The following STX8 variants were observed in gnomAD, a reference collection of about 807,000 sequenced individuals.
STX8 encodes syntaxin-8.
Under a neutral mutation model 37.5 loss-of-function variants are expected in STX8, and 23 were observed. The observed-to-expected ratio is 0.61, with a 90% CI of 0.44 to 0.87. The LOEUF (loss-of-function observed/expected upper bound fraction) is 0.87, where lower values mean the gene tolerates loss of function less well. Ranked by LOEUF, STX8 falls within the 40% of genes least tolerant of loss-of-function variation. The probability of loss-of-function intolerance (pLI) is 0.00; values close to 1 mark genes in which losing one functional copy is unlikely to be tolerated. For synonymous variants in STX8, 115 were observed against 99.1 expected (o/e 1.16, Z -0.95); for missense variants, 313 against 284.7 (o/e 1.10, Z -0.71).
chr17:9,401,333 G>A (rs76360429), intron 6 of STX8, among the ~76,000 whole-genome samples: 12,335 of 152,040 alleles, frequency 0.081, 769 homozygotes, highest in East Asian at 0.31. Flanking sequence ...GTTTTCAGTC[G>A]ATTTCATATA....
chr17:9,573,061 T>C (rs1459909286), intron 1 of STX8, among the ~76,000 whole-genome samples: 1 of 146,864 alleles, frequency 6.8e-6, no homozygotes, highest in Non-Finnish European at 1.5e-5. Context: ...CAAAATAAAA[T>C]TCTAAGCCCA....
intron 6 of STX8, among the ~76,000 whole-genome samples, chr17:9,447,022 G>C (rs1475983036): frequency 6.6e-6 from 1 of 152,122 alleles, no homozygotes; most frequent in Non-Finnish European, 1.5e-5. Flanking sequence ...ATGTCATCCT[G>C]ATTGTTCCCT....
intron 6 of STX8, among the ~76,000 whole-genome samples, chr17:9,421,951 C>T (rs927715274): frequency 2.0e-5 from 3 of 152,160 alleles, no homozygotes; most frequent in Non-Finnish European, 4.4e-5. Flanking sequence ...CTTCCTCCTG[C>T]TCCGGCCATG....
At chr17:9,367,923 G>GT (rs1447760574) in intron 7 of STX8, among the ~76,000 whole-genome samples, 2 of 152,058 alleles carry the variant, frequency 1.3e-5, no homozygotes, top group African/African-American at 2.4e-5. Flanking sequence ...TACAGACGGG[G>GT]TTTTTGCCAT....
intron 6 of STX8, among the ~76,000 whole-genome samples, chr17:9,444,151 T>TTCTC (rs768304552): frequency 6.8e-6 from 1 of 146,426 alleles, no homozygotes; most frequent in South Asian, 2.2e-4. Flanking sequence ...TCTTCTCTCT[T>TTCTC]TCTCTCTCTC....
At position 9,559,752 on chromosome 17, in the gene STX8, A is replaced by ATT. The variant is rs1567610125; in HGVS notation, c.118-2225_118-2224insAA. 1.7e-4 allele frequency among the ~76,000 whole-genome samples: 6 copies of ATT among 35,012 alleles called. No individual in the cohort carries two copies. The South Asian group carries it at 4.4e-3, about 26-fold the overall frequency. 23.0% of individuals were successfully genotyped at this position (35,012 alleles called of 152,430 possible). On this transcript the variant is annotated intron_variant, in intron 2 of 7. Coordinates refer to ENST00000306357, the MANE Select transcript of STX8 (RefSeq NM_004853.3). Reference sequence around the variant, plus strand: ...TATTATTTTATATATATATATATATATATATATATTTTTTTTTTTTTTTTT... The same window carrying ATT: ...TATTATTTTATATATATATATATATATTTATATATATTTTTTTTTTTTTTTTT...
chr17:9,505,782 C>G lies in STX8; in HGVS notation c.324-620G>C, dbSNP rs576128425. Among the ~76,000 whole-genome samples the G allele has an allele frequency of 4.0e-5, 6 of 151,606 alleles. No individual in the cohort carries two copies. In the South Asian group the frequency reaches 1.0e-3, roughly 26 times the overall value. On this transcript the variant is annotated intron_variant, in intron 4 of 7. Coordinates refer to ENST00000306357, the MANE Select transcript of STX8 (RefSeq NM_004853.3). ...ATGATGAAACCCTGTCTCTAATAAA[C>G]ACAAAAAAAATTAGCCGGGCTTGGC...
chr17:9,279,237 A>C (rs1907794071), intron 7 of STX8, among the ~76,000 whole-genome samples: 1 of 151,926 alleles, frequency 6.6e-6, no homozygotes, highest in Non-Finnish European at 1.5e-5. Flanking sequence ...TTGTATTTTT[A>C]GTAGAGACAG....
At chr17:9,368,888 C>G (rs1567800319) in intron 7 of STX8, among the ~76,000 whole-genome samples, 1 of 151,782 alleles carries the variant, frequency 6.6e-6, no homozygotes, top group Non-Finnish European at 1.5e-5. Flanking sequence ...TGTCCCCTCT[C>G]TCCTATACTC....
At chr17:9,433,576 C>G (rs905779604) in intron 6 of STX8, among the ~76,000 whole-genome samples, 2 of 152,076 alleles carry the variant, frequency 1.3e-5, no homozygotes, top group Non-Finnish European at 2.9e-5. Context: ...CACCTATCTC[C>G]AAACTCATCA....
chr17:9,454,983 A>G (rs925401602), intron 6 of STX8, among the ~76,000 whole-genome samples: 30 of 152,174 alleles, frequency 2.0e-4, no homozygotes, highest in African/African-American at 7.0e-4. Flanking sequence ...TGGAAGGTCA[A>G]GGCGGGAGCA....
rs1466755547 is a variant in STX8, at chr17:9,429,958, T to TATATA, written c.542-51310_542-51306dup. On this transcript the variant is annotated intron_variant, in intron 6 of 7. Transcript: ENST00000306357. ...ATTATATAGAATATATTATATATAA[T>TATATA]ATATATATTATATATTATATAGAAT... 1.9e-3 allele frequency among the ~76,000 whole-genome samples: 2 copies of TATATA among 1,028 alleles called. 1 individual carries two copies. The highest frequency in any genetic ancestry group is 0.013 in the African/African-American group (2 of 154). The allele number at this position is 1,028 out of a possible 152,430, so 0.7% of individuals were successfully genotyped here.
chr17:9,342,145 C>A (rs1467475327), intron 7 of STX8, among the ~76,000 whole-genome samples: 2 of 152,130 alleles, frequency 1.3e-5, no homozygotes, highest in Non-Finnish European at 2.9e-5. Flanking sequence ...CTACATCCCT[C>A]GGATGTGCAG....
At chr17:9,429,692 G>A (rs1400980857) in intron 6 of STX8, among the ~76,000 whole-genome samples, 2 of 110,940 alleles carry the variant, frequency 1.8e-5, no homozygotes, top group African/African-American at 3.6e-5. Flanking sequence ...GACAGTGCAA[G>A]ACTCCATCTC....
At chr17:9,525,920 CATT>C (rs1032450579) in intron 4 of STX8, among the ~76,000 whole-genome samples, 2 of 152,194 alleles carry the variant, frequency 1.3e-5, no homozygotes, top group Non-Finnish European at 2.9e-5. Flanking sequence ...TGGTTACCTT[CATT>C]TTCCTGACAA....
rs67338298 is a variant in STX8, at chr17:9,440,528, T to TTA, written c.541+51300_541+51301insTA. On this transcript the variant is annotated intron_variant, in intron 6 of 7. Transcript: ENST00000306357. ...ATACAATCATAGTGAATCAATGATT[T>TTA]TTTTTTTTTTTTTTGAGACGGAGTC... Among the ~76,000 whole-genome samples, 65 of 45,294 alleles carry TTA rather than the reference T, an allele frequency of 1.4e-3. 1 individual carries two copies. Among genetic ancestry groups the TTA allele is most frequent in the Admixed American group, 3.0e-3 (16 of 5,362 alleles). 29.7% of individuals were successfully genotyped at this position (45,294 alleles called of 152,430 possible). A position where few individuals can be genotyped will look rare whatever the true frequency, so the allele number is the denominator to read the frequency against.
intron 7 of STX8, among the ~76,000 whole-genome samples, chr17:9,324,533 T>C (rs1452762042): frequency 6.6e-6 from 1 of 151,400 alleles, no homozygotes; most frequent in African/African-American, 2.4e-5. Context: ...GGGGCTGAGG[T>C]AGGAGGATCA....
intron 7 of STX8, among the ~76,000 whole-genome samples, chr17:9,363,837 G>A (rs1348950229): frequency 6.6e-6 from 1 of 151,476 alleles, no homozygotes; most frequent in African/African-American, 2.4e-5. Context: ...AAAGAGTGTG[G>A]AGGTCTCTGA....
intron 7 of STX8, among the ~76,000 whole-genome samples, chr17:9,258,948 G>A (rs535934749): frequency 6.6e-6 from 1 of 152,328 alleles, no homozygotes; most frequent in South Asian, 2.1e-4. Flanking sequence ...AGCTTGTCCT[G>A]GAATCCGAGG....
Sources: gnomAD v4.1 joint callset for allele counts (sites outside exome capture counted in the v4.1 genomes callset) on GRCh38, gnomAD v4.1.1 for gene constraint, MANE v1.5 for transcripts, NCBI Gene and HGNC (gene_info 2026-07-23, HGNC 2026-07-21) for gene names.